PALLD: variants seen among roughly 807,000 people sequenced by gnomAD.
PALLD encodes the protein palladin.
Under a neutral mutation model 123.5 loss-of-function variants are expected in PALLD, and 61 were observed. The observed-to-expected ratio is 0.49, with a 90% CI of 0.40 to 0.61. PALLD has a LOEUF of 0.61. PALLD is among the 20% of genes least tolerant of loss of function. The pLI, the probability that PALLD is intolerant of heterozygous loss-of-function variation, is 0.00. For missense variants in PALLD, 1,273 were observed against 1,377.0 expected (o/e 0.92, Z 1.20); for synonymous variants, 465 against 496.4 (o/e 0.94, Z 0.84).
intron 1 of PALLD, among the ~76,000 whole-genome samples, chr4:168,503,162 T>G (rs2250097): frequency 0.72 from 109,116 of 152,140 alleles, 39,425 homozygotes; most frequent in African/African-American, 0.79. Flanking sequence ...CTGCTTCCAT[T>G]GGGCTCACAG....
chr4:168,834,545 T>C (rs1036628385), intron 10 of PALLD, among the ~76,000 whole-genome samples: 2 of 152,146 alleles, frequency 1.3e-5, no homozygotes, highest in African/African-American at 4.8e-5. Flanking sequence ...GAGACCAGCC[T>C]GACCAACGTG....
At chr4:168,508,528 T>C (rs1394775506) in intron 1 of PALLD, among the ~76,000 whole-genome samples, 1 of 152,190 alleles carries the variant, frequency 6.6e-6, no homozygotes, top group Non-Finnish European at 1.5e-5. Context: ...ATCAAAGGTT[T>C]TGTTGCAATT....
At chr4:168,607,424 C>T (rs1304290063) in intron 2 of PALLD, among the ~76,000 whole-genome samples, 2 of 152,246 alleles carry the variant, frequency 1.3e-5, no homozygotes, top group South Asian at 4.2e-4. Context: ...TTTGTCGACT[C>T]ATGTAATTTT....
rs761539565 is a variant in PALLD, at chr4:168,512,338, G to A, written c.834G>A (p.Arg278=). Residue 278 remains arginine (R), a synonymous_variant, in exon 2 of 22, where the codon AGG becomes AGA. Transcript: ENST00000505667. ...CACCTCGATTCATCCAAAAGCTGAG[G>A]AGCCAAGAAGTAGCAGAAGGGAGCC... The part of the protein sequence containing the change: ...PAAPRFIQKL[R]SQEVAEGSRV... 22 of 1,614,156 alleles carry A rather than the reference G, an allele frequency of 1.4e-5. No homozygotes were observed. In the East Asian group the frequency reaches 3.3e-4, roughly 25 times the overall value.
intron 2 of PALLD, among the ~76,000 whole-genome samples, chr4:168,663,853 TA>T (rs908070989): frequency 3.4e-4 from 52 of 152,192 alleles, no homozygotes; most frequent in Middle Eastern, 3.4e-3. Flanking sequence ...CTTGATTGTT[TA>T]AAAAAAATGC....
At chr4:168,699,009 A>G (rs933870047) in intron 8 of PALLD, among the ~76,000 whole-genome samples, 5 of 152,156 alleles carry the variant, frequency 3.3e-5, no homozygotes, top group African/African-American at 1.2e-4. Flanking sequence ...TTATTCGTTA[A>G]ATGGTACATT....
intron 10 of PALLD, among the ~76,000 whole-genome samples, chr4:168,787,415 T>G (rs899758197): frequency 6.6e-6 from 1 of 152,226 alleles, no homozygotes; most frequent in Middle Eastern, 3.2e-3. Context: ...TTTCTTACAA[T>G]TGAGCATTTT....
At position 168,520,347 on chromosome 4, in the gene PALLD, A is replaced by AAGAGAGAGAGAG. The variant is rs1554034659; in HGVS notation, c.908+7937_908+7948dup. ...GTCACCAAAAAAAAAAAAAAAAAAAAAGAGAGAGAGAGAATGGCACCTTTA... is the reference window on the plus strand; with the variant it reads ...GTCACCAAAAAAAAAAAAAAAAAAAAAGAGAGAGAGAGAGAGAGAGAGAGAATGGCACCTTTA... On this transcript the variant is annotated intron_variant, in intron 2 of 21. Coordinates refer to ENST00000505667, the MANE Select transcript of PALLD (RefSeq NM_001166108.2). 1.4e-3 allele frequency among the ~76,000 whole-genome samples: 121 copies of AAGAGAGAGAGAG among 84,024 alleles called. 4 individuals are homozygous for AAGAGAGAGAGAG. The highest frequency in any genetic ancestry group is 2.5e-3 in the African/African-American group (47 of 18,696). The allele number at this position is 84,024 out of a possible 152,430, so 55.1% of individuals were successfully genotyped here. A position where few individuals can be genotyped will look rare whatever the true frequency, so the allele number is the denominator to read the frequency against.
At chr4:168,614,841 C>T (rs1774068572) in intron 2 of PALLD, among the ~76,000 whole-genome samples, 1 of 152,166 alleles carries the variant, frequency 6.6e-6, no homozygotes, top group African/African-American at 2.4e-5. Flanking sequence ...GCACGGTAAA[C>T]CACATCAGTG....
intron 10 of PALLD, among the ~76,000 whole-genome samples, chr4:168,811,636 T>C (rs1741127543): frequency 6.6e-6 from 1 of 152,146 alleles, no homozygotes; most frequent in African/African-American, 2.4e-5. Context: ...CTCAAGAGAC[T>C]GAGACAGGAG....
In PALLD at chr4:168,924,563, A is replaced by G. The variant is rs920600783; in HGVS notation, c.3224+143A>G. On this transcript the variant is annotated intron_variant, in intron 19 of 21. Transcript: ENST00000505667. ...TTGATGAAATCAATCAAAGACAAAAACCATGCGTTACCCAATGTAGGATTA... is the reference window on the plus strand; with the variant it reads ...TTGATGAAATCAATCAAAGACAAAAGCCATGCGTTACCCAATGTAGGATTA... The G allele has an allele frequency of 3.6e-6, 3 of 843,696 alleles. No individual in the cohort carries two copies. In the African/African-American group the frequency reaches 5.1e-5, roughly 14 times the overall value. 52.3% of individuals were successfully genotyped at this position (843,696 alleles called of 1,614,324 possible).
At chr4:168,629,349 G>GT (rs1775597136) in intron 2 of PALLD, among the ~76,000 whole-genome samples, 1 of 152,124 alleles carries the variant, frequency 6.6e-6, no homozygotes, top group African/African-American at 2.4e-5. Flanking sequence ...AAGAAAAAGT[G>GT]TAAGAATGTA....
rs746962804 is a variant in PALLD at position 168,681,338 on chromosome 4, G to C, written c.1094G>C (p.Ser365Thr). ...ATCTTTAATACTTTCCCAGGTGCCA[G>C]TTCAACAGATTCTGACAGTGAAAGT... ...TSAEVFIEGA[S>T]STDSDSESLA... is the part of the protein sequence containing the mutation. Residue 365 changes from serine to threonine, a missense_variant, in exon 4 of 22, where the codon AGT becomes ACT. By Grantham distance (58) the Ser-to-Thr change is moderately conservative. This residue lies in a region of PALLD where 944 missense variants were observed against 954.5 expected (regional missense o/e 0.99). Coordinates refer to ENST00000505667, the MANE Select transcript of PALLD (RefSeq NM_001166108.2). 1.9e-6 allele frequency: 3 copies of C among 1,600,252 alleles called. No homozygotes were observed. The African/African-American group carries it at 4.0e-5, about 21-fold the overall frequency.
At chr4:168,872,253 C>A (rs1296860783) in intron 10 of PALLD, among the ~76,000 whole-genome samples, 1 of 152,170 alleles carries the variant, frequency 6.6e-6, no homozygotes. Context: ...TTTTCTGTGG[C>A]AGAGCCAAAT....
intron 2 of PALLD, among the ~76,000 whole-genome samples, chr4:168,583,492 G>A (rs1489079628): frequency 2.0e-5 from 3 of 152,036 alleles, no homozygotes; most frequent in Non-Finnish European, 2.9e-5. Context: ...TGATACTGCT[G>A]GTCTGCATAT....
intron 10 of PALLD, among the ~76,000 whole-genome samples, chr4:168,719,252 C>T (rs1214579049): frequency 1.3e-4 from 11 of 85,708 alleles, no homozygotes; most frequent in Non-Finnish European, 1.9e-4. Flanking sequence ...AAGTAATCTT[C>T]TTTTTTTTTT....
intron 2 of PALLD, among the ~76,000 whole-genome samples, chr4:168,520,954 TAGAC>T (rs912877786): frequency 1.3e-5 from 2 of 152,198 alleles, no homozygotes; most frequent in Admixed American, 1.3e-4. Context: ...GTAGCTAAAT[TAGAC>T]AGTAGCATCA....
rs1762586270 is a variant in PALLD at position 168,926,407 on chromosome 4, G to GAAAC, written c.*229_*232dup. On this transcript the variant is annotated 3_prime_UTR_variant, in exon 22 of 22. Transcript: ENST00000505667. ...GTAATCCAGCATTCTTGTTAAAGCT[G>GAAAC]AAACACTGAAACAGCCATTGCCTTG... The GAAAC allele has an allele frequency of 2.7e-6, 4 of 1,509,426 alleles. No individual in the cohort carries two copies. Among genetic ancestry groups the GAAAC allele is most frequent in the African/African-American group, 2.8e-5 (2 of 72,432 alleles). 93.5% of individuals were successfully genotyped at this position (1,509,426 alleles called of 1,614,324 possible).
intron 1 of PALLD, among the ~76,000 whole-genome samples, chr4:168,499,269 AG>A (rs1439926872): frequency 9.5e-5 from 3 of 31,438 alleles, no homozygotes; most frequent in African/African-American, 2.9e-4. Context: ...GAAGGGAGGG[AG>A]GATGGGAGGG....
Sources: gnomAD v4.1 joint callset for allele counts (sites outside exome capture counted in the v4.1 genomes callset) on GRCh38, gnomAD v4.1.1 for gene constraint, gnomAD v4.1.1 regional missense constraint, MANE v1.5 for transcripts, NCBI Gene and HGNC (gene_info 2026-07-23, HGNC 2026-07-21) for gene names.